Variants in MRPL18 observed in about 807,000 individuals in gnomAD.
MRPL18 encodes the protein large ribosomal subunit protein uL18m.
MRPL18 carries 16 observed loss-of-function variants against 20.9 expected under a neutral mutation model. The observed-to-expected ratio is 0.76, with a 90% CI of 0.52 to 1.16. MRPL18 has a LOEUF of 1.16. Ranked by LOEUF, MRPL18 falls within the 50% of genes most tolerant of loss-of-function variation. The pLI, the probability that MRPL18 is intolerant of heterozygous loss-of-function variation, is 0.00. For synonymous variants in MRPL18, 91 were observed against 87.1 expected (o/e 1.04, Z -0.25); for missense variants, 233 against 230.6 (o/e 1.01, Z -0.07).
intron 2 of MRPL18, among the ~76,000 whole-genome samples, chr6:159,796,495 T>C (rs1388366490): frequency 6.9e-6 from 1 of 145,324 alleles, no homozygotes; most frequent in Non-Finnish European, 1.5e-5. Context: ...AAAAAAAAAA[T>C]GGCCATATGA....
At chr6:159,794,584 GGGTGA>G (rs1425014712) in intron 2 of MRPL18, among the ~76,000 whole-genome samples, 1 of 152,166 alleles carries the variant, frequency 6.6e-6, no homozygotes, top group African/African-American at 2.4e-5. Context: ...CGCTCCTAGA[GGGTGA>G]TTATCTTTTA....
intron 2 of MRPL18, 101 bp from the exon 3 acceptor site, chr6:159,797,186 A>T: frequency 8.7e-7 from 1 of 1,146,848 alleles, no homozygotes; most frequent in Non-Finnish European, 1.3e-6. Context: ...TGAACCAAAC[A>T]CTGGATTGTT....
chr6:159,798,262 G>A lies in MRPL18; in HGVS notation c.*139G>A, dbSNP rs1046022729. ...GCAGTGGAATATTATTTGTAGTTAAGGTCATCCTCCTCCCCTTTCTGTTTT... is the reference window on the plus strand; with the variant it reads ...GCAGTGGAATATTATTTGTAGTTAAAGTCATCCTCCTCCCCTTTCTGTTTT... On this transcript the variant is annotated 3_prime_UTR_variant, in exon 4 of 4. Coordinates refer to ENST00000367034, the MANE Select transcript of MRPL18 (RefSeq NM_014161.5). 5 of 623,654 alleles carry A rather than the reference G, an allele frequency of 8.0e-6. No individual in the cohort carries two copies. The highest frequency in any genetic ancestry group is 1.3e-5 in the Non-Finnish European group (5 of 372,948). The allele number at this position is 623,654 out of a possible 1,614,324, so 38.6% of individuals were successfully genotyped here.
At chr6:159,794,078 G>T (rs1780974823) in intron 2 of MRPL18, among the ~76,000 whole-genome samples, 1 of 152,174 alleles carries the variant, frequency 6.6e-6, no homozygotes, top group Non-Finnish European at 1.5e-5. Flanking sequence ...TTTTTAAAGG[G>T]TAACATATAC....
intron 2 of MRPL18, among the ~76,000 whole-genome samples, chr6:159,793,962 A>G (rs981063280): frequency 3.3e-5 from 5 of 152,164 alleles, no homozygotes; most frequent in African/African-American, 1.2e-4. Flanking sequence ...CAGGAAAACC[A>G]GGAGTAGACT....
At position 159,798,162 on chromosome 6, in the gene MRPL18, C is replaced by A. The variant is rs1387059582; in HGVS notation, c.*39C>A. ...TTGTTTTGAACATGTAAATATAAAT[C>A]TGTCAGCCACTACAGCCATCAAAAG... On this transcript the variant is annotated 3_prime_UTR_variant, in exon 4 of 4. Coordinates refer to ENST00000367034, the MANE Select transcript of MRPL18 (RefSeq NM_014161.5). 2.0e-6 allele frequency: 3 copies of A among 1,513,882 alleles called. No homozygotes were observed. Among genetic ancestry groups the A allele is most frequent in the Non-Finnish European group, 1.8e-6 (2 of 1,094,842 alleles). The allele number at this position is 1,513,882 out of a possible 1,614,324, so 93.8% of individuals were successfully genotyped here.
At chr6:159,794,235 C>T (rs991309195) in intron 2 of MRPL18, among the ~76,000 whole-genome samples, 2 of 152,164 alleles carry the variant, frequency 1.3e-5, no homozygotes, top group African/African-American at 2.4e-5. Context: ...CCTCAACCAC[C>T]CCAAGCACGC....
chr6:159,791,507 G>C (rs1292060617), intron 2 of MRPL18, among the ~76,000 whole-genome samples: 1 of 152,220 alleles, frequency 6.6e-6, no homozygotes, highest in Non-Finnish European at 1.5e-5. Flanking sequence ...GGAGGCGACA[G>C]ATGATTAGCT....
At position 159,795,543 on chromosome 6, in the gene MRPL18, G is replaced by T. The variant is rs796070181; in HGVS notation, c.240-1744G>T. Among the ~76,000 whole-genome samples, 5 of 152,152 alleles carry T rather than the reference G, an allele frequency of 3.3e-5. No individual in the cohort carries two copies. In the East Asian group the frequency reaches 7.7e-4, roughly 23 times the overall value. ...TTTAACCCTGAGTTTGACACAGCAC[G>T]TATTTCAGAGAGCAGGGGGTTGGGG... On this transcript the variant is annotated intron_variant, in intron 2 of 3. Coordinates refer to ENST00000367034, the MANE Select transcript of MRPL18 (RefSeq NM_014161.5).
At chr6:159,795,429 T>G (rs895015240) in intron 2 of MRPL18, among the ~76,000 whole-genome samples, 1 of 152,288 alleles carries the variant, frequency 6.6e-6, no homozygotes, top group African/African-American at 2.4e-5. Context: ...CCTGGGTACT[T>G]GAGATTAGGG....
rs1041354660 is a variant in MRPL18 at position 159,797,276 on chromosome 6, A to G, written c.240-11A>G. On this transcript the variant is annotated splice_polypyrimidine_tract_variant and intron_variant, in intron 2 of 3. Transcript: ENST00000367034. ...TCTTCTGTGATTTTATTATCTTCTC[A>G]CCCCATTTAGGTTGCGAGTTATAAG... is the stretch of plus-strand genomic sequence containing the variant. The G allele has an allele frequency of 1.9e-6, 3 of 1,607,032 alleles. No homozygotes were observed. The highest frequency in any genetic ancestry group is 2.6e-6 in the Non-Finnish European group (3 of 1,173,680).
intron 2 of MRPL18, 96 bp downstream of exon 2, chr6:159,791,222 G>A (rs1047298967): frequency 8.3e-6 from 12 of 1,446,056 alleles, no homozygotes; most frequent in African/African-American, 1.4e-5. Context: ...GCTGCCATGC[G>A]GCGGGTAGAG....
At position 159,798,116 on chromosome 6, in the gene MRPL18, A is replaced by C; in HGVS notation, c.536A>C (p.Tyr179Ser). Residue 179 changes from tyrosine to serine, a missense_variant, in exon 4 of 4, where the codon TAT becomes TCT. By Grantham distance (144) the Tyr-to-Ser change is moderately radical. Coordinates refer to ENST00000367034, the MANE Select transcript of MRPL18 (RefSeq NM_014161.5). ...GTTCTACGGGAACCTCAGAGAATCT[A>C]TGAATAAATGGAAGCATTAATTGTT... ...GVVLREPQRIYE is the reference protein window; with the variant it reads ...GVVLREPQRISE 1 of 1,611,132 alleles carries C rather than the reference A, an allele frequency of 6.2e-7. No individual in the cohort carries two copies. The highest frequency in any genetic ancestry group is 8.5e-7 in the Non-Finnish European group (1 of 1,177,446).
In MRPL18 at chr6:159,797,442, T is replaced by C. The variant is rs1279879102; in HGVS notation, c.395T>C (p.Leu132Pro). ...GCTTGTGAGAGTATAGGACGAGTGC[T>C]GGCACAGAGATGCTTAGAGGCGGGA... ...VVACESIGRV[L>P]AQRCLEAGIN... is the part of the protein sequence containing the mutation. Residue 132 changes from leucine (L) to proline (P), a missense_variant, in exon 3 of 4, where the codon CTG becomes CCG. Transcript: ENST00000367034. The C allele has an allele frequency of 1.2e-6, 2 of 1,614,106 alleles. No homozygotes were observed. The highest frequency in any genetic ancestry group is 1.7e-6 in the Non-Finnish European group (2 of 1,180,038).
At chr6:159,793,329 C>T (rs1183130925) in intron 2 of MRPL18, among the ~76,000 whole-genome samples, 1 of 151,744 alleles carries the variant, frequency 6.6e-6, no homozygotes, top group African/African-American at 2.4e-5. Flanking sequence ...GCCCGTGGGC[C>T]AAAGGTAGAT....
At chr6:159,794,846 G>A (rs577176277) in intron 2 of MRPL18, among the ~76,000 whole-genome samples, 1 of 152,172 alleles carries the variant, frequency 6.6e-6, no homozygotes, top group Admixed American at 6.5e-5. Flanking sequence ...AGGGGACCCA[G>A]GGAACCAGCG....
chr6:159,797,644 C>T (rs1781066497), intron 3 of MRPL18, 126 bp downstream of exon 3: 2 of 801,402 alleles, frequency 2.5e-6, no homozygotes, highest in Admixed American at 4.8e-5. Flanking sequence ...TTGGTGAGTA[C>T]TCAACAGTGT....
At chr6:159,790,052 C>T (rs1473140664), upstream of MRPL18, 1 of 179,248 alleles carries the variant, frequency 5.6e-6, no homozygotes, top group Non-Finnish European at 1.2e-5. Flanking sequence ...TGCTCCAGGC[C>T]TCAGGAGTGT....
chr6:159,795,418 C>T (rs1027774849), intron 2 of MRPL18, among the ~76,000 whole-genome samples: 1 of 152,234 alleles, frequency 6.6e-6, no homozygotes, highest in African/African-American at 2.4e-5. Context: ...GTGTTTGTGT[C>T]CCTGGGTACT....
Sources: allele counts gnomAD v4.1 joint callset (sites outside exome capture counted in the v4.1 genomes callset), GRCh38; gene constraint gnomAD v4.1.1; transcripts MANE v1.5; gene names NCBI Gene and HGNC (gene_info 2026-07-23, HGNC 2026-07-21).